The following KCNQ1 variants were observed in gnomAD, a reference collection of about 807,000 sequenced individuals.
KCNQ1 encodes the protein potassium voltage-gated channel subfamily Q member 1, also known as potassium voltage-gated channel subfamily KQT member 1.
Under a neutral mutation model 72.4 loss-of-function variants are expected in KCNQ1, and 49 were observed. The ratio of observed to expected loss-of-function variants is 0.68; its 90% confidence interval spans 0.54 to 0.86. The LOEUF (loss-of-function observed/expected upper bound fraction) is 0.86, where lower values mean the gene tolerates loss of function less well. KCNQ1 is among the 40% of genes least tolerant of loss of function. KCNQ1 has a pLI of 0.00. For synonymous variants in KCNQ1, 450 were observed against 412.6 expected, an observed-to-expected ratio of 1.09 and a Z score of -1.10; for missense variants, 790 against 945.1, an observed-to-expected ratio of 0.84 and a Z score of 2.15.
intron 6 of KCNQ1, among the ~76,000 whole-genome samples, chr11:2,575,661 T>C (rs568310432): frequency 6.6e-6 from 1 of 152,330 alleles, no homozygotes; most frequent in East Asian, 1.9e-4. Flanking sequence ...CCAGGGCTGC[T>C]CCATGTCTGT....
intron 1 of KCNQ1, among the ~76,000 whole-genome samples, chr11:2,454,628 T>C (rs1846160318): frequency 1.3e-5 from 2 of 152,208 alleles, no homozygotes; most frequent in Admixed American, 6.5e-5. Context: ...ATGGAGGTTT[T>C]ACAAAATATG....
chr11:2,482,230 A>G lies in KCNQ1; in HGVS notation c.386+36746A>G, dbSNP rs1365960054. ...TATGTGTGTGTGTGCATACTTGCCTATGTGTGTCTGTGCAAATACTTGGTA... is the reference window on the plus strand; with the variant it reads ...TATGTGTGTGTGTGCATACTTGCCTGTGTGTGTCTGTGCAAATACTTGGTA... On this transcript the variant is annotated intron_variant, in intron 1 of 15. Coordinates refer to ENST00000155840, the MANE Select transcript of KCNQ1 (RefSeq NM_000218.3). This position sits in a 1 kb window ranked among gnomAD's most constrained non-coding sequence, Gnocchi z 5.7. Among the ~76,000 whole-genome samples, 1 of 152,042 alleles carries G rather than the reference A, an allele frequency of 6.6e-6. No individual in the cohort carries two copies. The highest frequency in any genetic ancestry group is 1.5e-5 in the Non-Finnish European group (1 of 68,014).
chr11:2,790,723 G>A (rs945577066), intron 15 of KCNQ1, among the ~76,000 whole-genome samples: 28 of 152,330 alleles, frequency 1.8e-4, no homozygotes, highest in East Asian at 3.9e-4. Flanking sequence ...GATCGCTCGC[G>A]TGCAAAGGCC....
chr11:2,744,855 C>G (rs115810939), intron 11 of KCNQ1, among the ~76,000 whole-genome samples: 47 of 152,212 alleles, frequency 3.1e-4, no homozygotes, highest in Admixed American at 1.7e-3. Flanking sequence ...CCTTTTCCTC[C>G]GTGGAGTGAC....
rs143207947 is a variant in KCNQ1, at chr11:2,602,951, A to C, written c.1393+14097A>C. Reference sequence around the variant, plus strand: ...TCAATGTTTCCTTTTTATGGATTACACTTCTGATGTCAGGTCTAAGAAGTC... The same window carrying C: ...TCAATGTTTCCTTTTTATGGATTACCCTTCTGATGTCAGGTCTAAGAAGTC... On this transcript the variant is annotated intron_variant, in intron 10 of 15. Coordinates refer to ENST00000155840, the MANE Select transcript of KCNQ1 (RefSeq NM_000218.3). The surrounding 1 kb of genome is among the most constrained non-coding windows in gnomAD (Gnocchi z 4.8). 1.7e-4 allele frequency among the ~76,000 whole-genome samples: 26 copies of C among 152,314 alleles called. No individual in the cohort carries two copies. The East Asian group carries it at 3.7e-3, about 21-fold the overall frequency.
intron 10 of KCNQ1, chr11:2,616,119 A>G (rs1849059566): frequency 2.5e-6 from 1 of 397,706 alleles, no homozygotes. Context: ...TCTAGGTTAT[A>G]TAATTTGTTG....
At chr11:2,820,658 G>A (rs1224273336) in intron 15 of KCNQ1, among the ~76,000 whole-genome samples, 1 of 152,206 alleles carries the variant, frequency 6.6e-6, no homozygotes, top group Non-Finnish European at 1.5e-5. Context: ...TAATATTGTG[G>A]ATTTCTTGAT....
At chr11:2,758,902 G>C (rs985223769) in intron 11 of KCNQ1, among the ~76,000 whole-genome samples, 4 of 152,174 alleles carry the variant, frequency 2.6e-5, no homozygotes, top group Non-Finnish European at 5.9e-5. Context: ...GTGAGGGTGG[G>C]AGTGACTTGC....
chr11:2,707,672 G>A (rs1850932490), intron 11 of KCNQ1, among the ~76,000 whole-genome samples: 1 of 152,232 alleles, frequency 6.6e-6, no homozygotes. Flanking sequence ...GCATGGTTCT[G>A]AGGGCTTCAT....
At chr11:2,656,436 G>T (rs900377520) in intron 10 of KCNQ1, 1 of 398,632 alleles carries the variant, frequency 2.5e-6, no homozygotes, top group Admixed American at 4.4e-5. Context: ...TCCTGGCTGT[G>T]ACTAAGTAAT....
rs186924948 is a variant in KCNQ1 at position 2,666,528 on chromosome 11, C to T, written c.1514+4447C>T. On this transcript the variant is annotated intron_variant, in intron 11 of 15. Transcript: ENST00000155840. Reference sequence around the variant, plus strand: ...AAGGCCGCTGTGGCCTGGCTTTCATCCACATCACTACTAATGTCTCCTGAA... The same window carrying T: ...AAGGCCGCTGTGGCCTGGCTTTCATTCACATCACTACTAATGTCTCCTGAA... The T allele has an allele frequency of 1.0e-5, 4 of 398,690 alleles. No individual in the cohort carries two copies. The East Asian group carries it at 1.4e-4, about 14-fold the overall frequency. The allele number at this position is 398,690 out of a possible 1,614,324, so 24.7% of individuals were successfully genotyped here. A position where few individuals can be genotyped will look rare whatever the true frequency, so the allele number is the denominator to read the frequency against.
chr11:2,758,067 C>T (rs1385323860), intron 11 of KCNQ1, among the ~76,000 whole-genome samples: 2 of 152,120 alleles, frequency 1.3e-5, no homozygotes, highest in East Asian at 1.9e-4. Context: ...ATGAAATGGA[C>T]CCCATTAAAA....
chr11:2,683,446 G>C lies in KCNQ1; in HGVS notation c.1514+21365G>C, dbSNP rs1475277019. The C allele has an allele frequency of 1.3e-5, 5 of 398,434 alleles. No individual in the cohort carries two copies. The highest frequency in any genetic ancestry group is 2.2e-5 in the Non-Finnish European group (5 of 226,074). The allele number at this position is 398,434 out of a possible 1,614,324, so 24.7% of individuals were successfully genotyped here. On this transcript the variant is annotated intron_variant, in intron 11 of 15. Transcript: ENST00000155840. This position sits in a 1 kb window ranked among gnomAD's most constrained non-coding sequence, Gnocchi z 4.7. ...AGGAATGGGTAACTGGAAAAATGTA[G>C]GAATTACATATGATTCCATCAATGA...
chr11:2,811,368 T>C (rs1050126726), intron 15 of KCNQ1, among the ~76,000 whole-genome samples: 7 of 152,192 alleles, frequency 4.6e-5, no homozygotes, highest in African/African-American at 1.7e-4. Flanking sequence ...TATCAGTGCT[T>C]TGTGAAGGCA....
rs528455870 is a variant in KCNQ1, at chr11:2,515,620, C to T, written c.387-12308C>T. ...CAGGTGCATCTGGTCTGCCCAGCCCCTCCTCACCCTAGGCAGGCCTCTCAC... is the reference window on the plus strand; with the variant it reads ...CAGGTGCATCTGGTCTGCCCAGCCCTTCCTCACCCTAGGCAGGCCTCTCAC... On this transcript the variant is annotated intron_variant, in intron 1 of 15. Transcript: ENST00000155840. This position sits in a 1 kb window ranked among gnomAD's most constrained non-coding sequence, Gnocchi z 4.7. 6.6e-4 allele frequency among the ~76,000 whole-genome samples: 100 copies of T among 152,290 alleles called. No individual in the cohort carries two copies. Among genetic ancestry groups the T allele is most frequent in the African/African-American group, 2.3e-3 (94 of 41,564 alleles).
Position 2,491,762 on chromosome 11 carries a change from C to A in KCNQ1, c.387-36166C>A, listed in dbSNP as rs1159491247. Among the ~76,000 whole-genome samples, 1 of 151,960 alleles carries A rather than the reference C, an allele frequency of 6.6e-6. No individual in the cohort carries two copies. The highest frequency in any genetic ancestry group is 1.5e-5 in the Non-Finnish European group (1 of 68,004). On this transcript the variant is annotated intron_variant, in intron 1 of 15. Transcript: ENST00000155840. The surrounding 1 kb of genome is among the most constrained non-coding windows in gnomAD (Gnocchi z 4.1). ...AGCAGATTTAACCCAAAGAAGACTA[C>A]CTCAAGGTATTTAATAGTCAAAGTT... is the stretch of plus-strand genomic sequence containing the variant.
At chr11:2,732,084 T>A (rs958417826) in intron 11 of KCNQ1, among the ~76,000 whole-genome samples, 2 of 152,214 alleles carry the variant, frequency 1.3e-5, no homozygotes, top group Non-Finnish European at 1.5e-5. Context: ...CCTTTAGGGT[T>A]TTTAAATTGT....
intron 1 of KCNQ1, among the ~76,000 whole-genome samples, chr11:2,452,207 G>T (rs751668658): frequency 4.6e-5 from 7 of 152,184 alleles, no homozygotes; most frequent in Admixed American, 3.3e-4. Flanking sequence ...CTGAAAGGGT[G>T]CTCTGAGTAG....
At position 2,645,034 on chromosome 11, in the gene KCNQ1, G is replaced by A. The variant is rs965626646; in HGVS notation, c.1394-16927G>A. The A allele has an allele frequency of 1.5e-5, 6 of 398,686 alleles. No individual in the cohort carries two copies. The highest frequency in any genetic ancestry group is 1.2e-4 in the African/African-American group (6 of 48,630). 24.7% of individuals were successfully genotyped at this position (398,686 alleles called of 1,614,324 possible). ...AGGGAAACCAATTTTGGGCCTCCAGGCAACTTGCTCAGGTGCCAATGATGA... is the reference window on the plus strand; with the variant it reads ...AGGGAAACCAATTTTGGGCCTCCAGACAACTTGCTCAGGTGCCAATGATGA... On this transcript the variant is annotated intron_variant, in intron 10 of 15. Coordinates refer to ENST00000155840, the MANE Select transcript of KCNQ1 (RefSeq NM_000218.3). This position sits in a 1 kb window ranked among gnomAD's most constrained non-coding sequence, Gnocchi z 5.8.
Sources: gnomAD v4.1 joint callset for allele counts (sites outside exome capture counted in the v4.1 genomes callset) on GRCh38, gnomAD v4.1.1 for gene constraint, Gnocchi (gnomAD v3.1) non-coding constraint, MANE v1.5 for transcripts, NCBI Gene and HGNC (gene_info 2026-07-23, HGNC 2026-07-21) for gene names.